CAMSAP1: variants seen among roughly 807,000 people sequenced by gnomAD.
The protein encoded by CAMSAP1 is calmodulin-regulated spectrin-associated protein 1.
In CAMSAP1, 58 loss-of-function variants were observed where a neutral mutation model predicts 143.5. The ratio of observed to expected loss-of-function variants is 0.40; its 90% CI spans 0.33 to 0.50. The LOEUF (loss-of-function observed/expected upper bound fraction) is 0.50. CAMSAP1 is among the 20% of genes least tolerant of loss of function. The pLI is 0.45. For synonymous variants in CAMSAP1, 945 were observed against 859.3 expected (o/e 1.10, Z -1.74); for missense variants, 1,969 against 2,115.7 (o/e 0.93, Z 1.36).
chr9:135,892,867 A>AAAAAAAAAAAAAAAAAAAAC (rs1554800261), intron 1 of CAMSAP1, among the ~76,000 whole-genome samples: 1 of 147,750 alleles, frequency 6.8e-6, no homozygotes, highest in Non-Finnish European at 1.5e-5. Context: ...AAAAAAAAAA[A>AAAAAAAAAAAAAAAAAAAAC]GAACTAATCA....
At chr9:135,839,694 C>T (rs1241920836) in intron 7 of CAMSAP1, among the ~76,000 whole-genome samples, 2 of 152,176 alleles carry the variant, frequency 1.3e-5, no homozygotes, top group African/African-American at 4.8e-5. Context: ...CGAGTGCACC[C>T]ATAAGACGGA....
At chr9:135,815,855 C>A (rs1376264742) in intron 15 of CAMSAP1, 35 bp downstream of exon 15, 3 of 1,561,724 alleles carry the variant, frequency 1.9e-6, no homozygotes, top group Admixed American at 1.7e-5. Flanking sequence ...ATGGCCATGC[C>A]CACGATGACC....
intron 3 of CAMSAP1, among the ~76,000 whole-genome samples, chr9:135,870,132 T>G (rs1414770138): frequency 2.0e-5 from 3 of 152,172 alleles, no homozygotes; most frequent in African/African-American, 7.2e-5. Flanking sequence ...TGGCTCTGTG[T>G]CCCCACCCAA....
intron 5 of CAMSAP1, among the ~76,000 whole-genome samples, chr9:135,850,813 C>T (rs1411641017): frequency 6.6e-6 from 1 of 152,196 alleles, no homozygotes; most frequent in Non-Finnish European, 1.5e-5. Flanking sequence ...CGAGTTTCTT[C>T]CGCCCATCAG....
At position 135,818,559 on chromosome 9, in the gene CAMSAP1, G is replaced by A; in HGVS notation, c.4017C>T (p.Leu1339=). The A allele has an allele frequency of 1.2e-6, 2 of 1,613,240 alleles. No individual in the cohort carries two copies. Among genetic ancestry groups the A allele is most frequent in the Non-Finnish European group, 1.7e-6 (2 of 1,179,828 alleles). The change falls in exon 13 of 17, where the codon CTC becomes CTT. Residue 1339 remains leucine, a synonymous_variant. Coordinates refer to ENST00000389532, the MANE Select transcript of CAMSAP1 (RefSeq NM_015447.4). The surrounding 1 kb of genome is among the most constrained non-coding windows in gnomAD (Gnocchi z 7.7). ...TCCTCCGCAGGTACTCCTGCTTGAT[G>A]AGCTCGCGCCGCGCCTTCTCCTCCT... The part of the protein sequence containing the change: ...RKEEEKARRE[L]IKQEYLRRKQ...
In CAMSAP1 at chr9:135,821,616, G is replaced by A. The variant is rs372412011; in HGVS notation, c.3045C>T (p.Val1015=). 9.3e-5 allele frequency: 150 copies of A among 1,613,848 alleles called. No homozygotes were observed. The highest frequency in any genetic ancestry group is 1.1e-4 in the Non-Finnish European group (135 of 1,179,896). The change falls in exon 11 of 17, where the codon GTC becomes GTT. Residue 1015 remains valine (V), a synonymous_variant. Coordinates refer to ENST00000389532, the MANE Select transcript of CAMSAP1 (RefSeq NM_015447.4). This position sits in a 1 kb window ranked among gnomAD's most constrained non-coding sequence, Gnocchi z 4.6. The part of the protein sequence containing the change: ...ALLEDTVGEV[V]DVNECDLSIE... ...TGGAAAGGTCACATTCATTCACGTC[G>A]ACAACCTCCCCAACAGTGTCCTCCA...
chr9:135,878,864 G>C (rs1837838512), intron 3 of CAMSAP1, among the ~76,000 whole-genome samples: 1 of 152,132 alleles, frequency 6.6e-6, no homozygotes, highest in Non-Finnish European at 1.5e-5. Context: ...AATTCATATG[G>C]AAATGGCAAG....
chr9:135,809,212 G>A lies in CAMSAP1; in HGVS notation c.*2097C>T, dbSNP rs142690839. 3.3e-5 allele frequency: 5 copies of A among 152,264 alleles called. No homozygotes were observed. Among genetic ancestry groups the A allele is most frequent in the African/African-American group, 4.8e-5 (2 of 41,522 alleles). 9.4% of individuals were successfully genotyped at this position (152,264 alleles called of 1,614,324 possible). ...GTTGCTGTGTCCAAGCATGAAGAAC[G>A]CAGGGACGCTTCTGTCAATCATTAG... is the stretch of plus-strand genomic sequence containing the variant. On this transcript the variant is annotated 3_prime_UTR_variant, in exon 17 of 17. Transcript: ENST00000389532.
Position 135,810,317 on chromosome 9 carries a change from G to C in CAMSAP1, c.*992C>G, listed in dbSNP as rs1344716497. 6.6e-6 allele frequency: 1 copy of C among 152,230 alleles called. No individual in the cohort carries two copies. The highest frequency in any genetic ancestry group is 1.5e-5 in the Non-Finnish European group (1 of 68,038). The allele number at this position is 152,230 out of a possible 1,614,324, so 9.4% of individuals were successfully genotyped here. On this transcript the variant is annotated 3_prime_UTR_variant, in exon 17 of 17. Coordinates refer to ENST00000389532, the MANE Select transcript of CAMSAP1 (RefSeq NM_015447.4). ...CCTCTGAGAGCATGCAGCGCTTCCA[G>C]ATGCAGAATCCAGACAGGACAAGCC...
In CAMSAP1 at chr9:135,892,967, G is replaced by T. The variant is rs1279188926; in HGVS notation, c.161-9889C>A. ...GAGGATCATTTGAGTTCAGCAGTTT[G>T]AGACCAGCCTAGGCAACATGATGAG... On this transcript the variant is annotated intron_variant, in intron 1 of 16. Coordinates refer to ENST00000389532, the MANE Select transcript of CAMSAP1 (RefSeq NM_015447.4). Among the ~76,000 whole-genome samples, 8 of 151,712 alleles carry T rather than the reference G, an allele frequency of 5.3e-5. No homozygotes were observed. The East Asian group carries it at 1.5e-3, about 29-fold the overall frequency.
chr9:135,818,298 C>T lies in CAMSAP1; in HGVS notation c.4168+110G>A. ...CATGAAACGGGGATAATCATCTCCA[C>T]CCTTCCCGCCTCACACCACTCTTGA... On this transcript the variant is annotated intron_variant, in intron 13 of 16. Transcript: ENST00000389532. This position sits in a 1 kb window ranked among gnomAD's most constrained non-coding sequence, Gnocchi z 7.7. 8.0e-7 allele frequency: 1 copy of T among 1,250,816 alleles called. No individual in the cohort carries two copies. The highest frequency in any genetic ancestry group is 1.1e-6 in the Non-Finnish European group (1 of 912,158). The allele number at this position is 1,250,816 out of a possible 1,614,324, so 77.5% of individuals were successfully genotyped here.
In CAMSAP1 at chr9:135,818,022, G is replaced by A. The variant is rs1045936973; in HGVS notation, c.4226C>T (p.Thr1409Met). The A allele has an allele frequency of 2.2e-5, 35 of 1,613,780 alleles. No individual in the cohort carries two copies. The highest frequency in any genetic ancestry group is 3.0e-5 in the Non-Finnish European group (35 of 1,179,886). The change falls in exon 14 of 17, where the codon ACG (threonine) becomes ATG (methionine). Residue 1409 changes from threonine (T) to methionine (M), a missense_variant. Thr to Met is a moderately conservative substitution (Grantham distance 81). Around this residue, in one of 4 missense-constraint regions of CAMSAP1, gnomAD observed 1,390 missense variants for 1,420.8 expected, o/e 0.98. Coordinates refer to ENST00000389532, the MANE Select transcript of CAMSAP1 (RefSeq NM_015447.4). The surrounding 1 kb of genome is among the most constrained non-coding windows in gnomAD (Gnocchi z 7.7). ...GSSLSLASAA[T>M]TEPESVHSGG... is the part of the protein sequence containing the mutation. ...GGAATGAACGCTCTCGGGTTCTGTC[G>A]TCGCCGCAGAGGCCAAGGACAGGCT... is the stretch of plus-strand genomic sequence containing the variant.
intron 7 of CAMSAP1, among the ~76,000 whole-genome samples, chr9:135,828,326 G>A (rs527483560): frequency 6.6e-6 from 1 of 152,344 alleles, no homozygotes; most frequent in South Asian, 2.1e-4. Flanking sequence ...CCCACTAGGT[G>A]ATGTGTTGTG....
intron 1 of CAMSAP1, among the ~76,000 whole-genome samples, chr9:135,895,833 G>A (rs1445542695): frequency 6.6e-6 from 1 of 152,156 alleles, no homozygotes; most frequent in African/African-American, 2.4e-5. Flanking sequence ...ACTGTTGTAA[G>A]TCACATAAGT....
rs375718180 is a variant in CAMSAP1, at chr9:135,822,072, C to T, written c.2589G>A (p.Pro863=). 2.5e-5 allele frequency: 41 copies of T among 1,612,352 alleles called. No individual in the cohort carries two copies. In the East Asian group the frequency reaches 4.7e-4, roughly 18 times the overall value. The change falls in exon 11 of 17, where the codon CCG becomes CCA. Residue 863 remains proline, a synonymous_variant. Transcript: ENST00000389532. The surrounding 1 kb of genome is among the most constrained non-coding windows in gnomAD (Gnocchi z 6.1). ...TGGCGGGATCCTTGCCATGCTGGCTCGGACTCTGCTCCCTCTTCTGCCTCC... is the reference window on the plus strand; with the variant it reads ...TGGCGGGATCCTTGCCATGCTGGCTTGGACTCTGCTCCCTCTTCTGCCTCC... ...TTWRQKREQS[P]SQHGKDPASL...
rs746499980 is a variant in CAMSAP1, at chr9:135,822,853, G to A, written c.1808C>T (p.Ala603Val). The change falls in exon 11 of 17, where the codon GCG becomes GTG. Residue 603 changes from alanine (A) to valine (V), a missense_variant. Ala to Val is a moderately conservative substitution (Grantham distance 64, BLOSUM62 0). This residue lies in a region of CAMSAP1 where 1,390 missense variants were observed against 1,420.8 expected (regional missense o/e 0.98). Transcript: ENST00000389532. This position sits in a 1 kb window ranked among gnomAD's most constrained non-coding sequence, Gnocchi z 6.1. ...EPLMPAVLKP[A>V]KEKQVITKED... Reference sequence around the variant, plus strand: ...CTTGGTGATCACCTGCTTCTCTTTCGCTGGCTTAAGAACTGCTGGCATCAA... The same window carrying A: ...CTTGGTGATCACCTGCTTCTCTTTCACTGGCTTAAGAACTGCTGGCATCAA... 5.0e-6 allele frequency: 8 copies of A among 1,613,630 alleles called. No individual in the cohort carries two copies. The Admixed American group carries it at 5.0e-5, about 10-fold the overall frequency.
In CAMSAP1 at chr9:135,865,114, G is replaced by A. The variant is rs1235403382; in HGVS notation, c.666+1342C>T. 4 of 560,806 alleles carry A rather than the reference G, an allele frequency of 7.1e-6. No homozygotes were observed. In the African/African-American group the frequency reaches 7.6e-5, roughly 11 times the overall value. The allele number at this position is 560,806 out of a possible 1,614,324, so 34.7% of individuals were successfully genotyped here. On this transcript the variant is annotated intron_variant, in intron 4 of 16. Transcript: ENST00000389532. ...CACTTAAAGAAGTAACTAGGAAACT[G>A]GGCGAAATGTAACTTAAGAGTTCCA...
Position 135,828,187 on chromosome 9 carries a change from G to A in CAMSAP1, c.1046-603C>T, listed in dbSNP as rs532795150. 2.0e-4 allele frequency among the ~76,000 whole-genome samples: 30 copies of A among 152,370 alleles called. No individual in the cohort carries two copies. The South Asian group carries it at 5.6e-3, about 28-fold the overall frequency. The stretch of plus-strand genomic sequence containing the variant: ...CCTGCTCACCCGCCTCTCTCCCAAA[G>A]GGTCAGCCCCAAACAGTGACTCTGT... On this transcript the variant is annotated intron_variant, in intron 7 of 16. Transcript: ENST00000389532.
At chr9:135,813,269 G>A (rs1335220476) in intron 16 of CAMSAP1, among the ~76,000 whole-genome samples, 2 of 152,226 alleles carry the variant, frequency 1.3e-5, no homozygotes, top group Admixed American at 6.5e-5. Flanking sequence ...GGTTGTAATG[G>A]ACGGAGGGCC....
Sources: allele counts gnomAD v4.1 joint callset (sites outside exome capture counted in the v4.1 genomes callset), GRCh38; gene constraint gnomAD v4.1.1; regional missense constraint gnomAD v4.1.1; non-coding constraint Gnocchi (gnomAD v3.1); transcripts MANE v1.5; gene names NCBI Gene and HGNC (gene_info 2026-07-23, HGNC 2026-07-21).